Variants in CNOT6 observed in about 807,000 individuals in gnomAD.
CNOT6 encodes the protein carbon catabolite repression 4 protein.
In CNOT6, 12 loss-of-function variants were observed where a neutral mutation model predicts 61.2. The observed-to-expected ratio is 0.20, with a 90% CI of 0.13 to 0.32. The LOEUF is 0.32. CNOT6 is among the 10% of genes least tolerant of loss of function. The pLI, the probability that CNOT6 is intolerant of heterozygous loss-of-function variation, is 1.00. For missense variants in CNOT6, 405 were observed against 663.9 expected, an observed-to-expected ratio of 0.61 and a Z score of 4.28; for synonymous variants, 225 against 240.6, an observed-to-expected ratio of 0.94 and a Z score of 0.60.
chr5:180,567,339 A>T (rs1760515081), intron 8 of CNOT6, 97 bp downstream of exon 8: 2 of 1,043,528 alleles, frequency 1.9e-6, no homozygotes, highest in Non-Finnish European at 1.4e-6. Flanking sequence ...AGAATGAGGC[A>T]CTATATTATT....
intron 2 of CNOT6, among the ~76,000 whole-genome samples, chr5:180,541,441 ATTTTTTTTTTTT>A (rs1163850404): frequency 1.9e-5 from 2 of 106,578 alleles, no homozygotes; most frequent in Admixed American, 1.2e-4. Context: ...TGGCCAAGAA[ATTTTTTTTTTTT>A]TTTTTTTTTT....
intron 4 of CNOT6, among the ~76,000 whole-genome samples, chr5:180,562,079 T>C (rs1581562175): frequency 1.3e-5 from 2 of 152,208 alleles, no homozygotes; most frequent in South Asian, 2.1e-4. Flanking sequence ...TCTGTACCCA[T>C]TGGTATTTCC....
intron 11 of CNOT6, among the ~76,000 whole-genome samples, chr5:180,573,578 TGTGTGTGTGTGTGTGTGTGTGTGTCC>T (rs1220410845): frequency 1.4e-3 from 42 of 30,734 alleles, no homozygotes; most frequent in South Asian, 3.2e-3. Context: ...TGTGTGTGTG[TGTGTGTGTGTGTGTGTGTGTGTGTCC>T]GTCCGTCCGT....
At chr5:180,503,064 G>T (rs190061067) in intron 1 of CNOT6, among the ~76,000 whole-genome samples, 112 of 152,186 alleles carry the variant, frequency 7.4e-4, no homozygotes, top group Admixed American at 1.3e-3. Flanking sequence ...CATAGCCACT[G>T]AAGAAAAAAA....
At chr5:180,537,308 G>A (rs1758748580) in intron 2 of CNOT6, among the ~76,000 whole-genome samples, 1 of 152,112 alleles carries the variant, frequency 6.6e-6, no homozygotes, top group Non-Finnish European at 1.5e-5. Context: ...TAGTGTTTTG[G>A]ATTTTTTTGC....
chr5:180,537,121 GT>G (rs1435229597), intron 2 of CNOT6, among the ~76,000 whole-genome samples: 1 of 152,192 alleles, frequency 6.6e-6, no homozygotes, highest in African/African-American at 2.4e-5. Context: ...TCTGTGTGCA[GT>G]TCTTTGTGTA....
intron 1 of CNOT6, among the ~76,000 whole-genome samples, chr5:180,501,017 G>A (rs762147923): frequency 7.9e-5 from 12 of 152,172 alleles, no homozygotes; most frequent in Non-Finnish European, 1.6e-4. Flanking sequence ...AAGACACAGG[G>A]ATGAGAGGGA....
intron 1 of CNOT6, among the ~76,000 whole-genome samples, chr5:180,507,706 A>T (rs1394495472): frequency 6.6e-6 from 1 of 152,004 alleles, no homozygotes; most frequent in Non-Finnish European, 1.5e-5. Context: ...CTATAAAGAA[A>T]TGTGTGAGAT....
intron 2 of CNOT6, among the ~76,000 whole-genome samples, chr5:180,540,509 A>G (rs2617261): frequency 5.9e-5 from 9 of 152,054 alleles, no homozygotes; most frequent in Admixed American, 1.3e-4. Flanking sequence ...TCTATTTTTC[A>G]CTTTCACTAC....
intron 1 of CNOT6, among the ~76,000 whole-genome samples, chr5:180,519,068 A>G (rs955850167): frequency 1.3e-5 from 2 of 152,294 alleles, no homozygotes; most frequent in African/African-American, 4.8e-5. Context: ...AACTTTCCAG[A>G]GTTTATTCAG....
intron 4 of CNOT6, among the ~76,000 whole-genome samples, chr5:180,554,876 C>T (rs576382465): frequency 1.1e-4 from 16 of 152,132 alleles, no homozygotes; most frequent in Admixed American, 3.3e-4. Flanking sequence ...TTCCTCATGG[C>T]GGAGGTATGT....
chr5:180,509,515 C>T (rs1757285016), intron 1 of CNOT6, among the ~76,000 whole-genome samples: 1 of 151,914 alleles, frequency 6.6e-6, no homozygotes, highest in Non-Finnish European at 1.5e-5. Context: ...GGATTCTCGT[C>T]TCATTGCAAC....
At chr5:180,559,800 TGTATAACTTACCACAGTC>T (rs1301877938) in intron 4 of CNOT6, among the ~76,000 whole-genome samples, 1 of 152,168 alleles carries the variant, frequency 6.6e-6, no homozygotes, top group Non-Finnish European at 1.5e-5. Context: ...TCACACTAGA[TGTATAACTTACCACAGTC>T]TATTGGGGGT....
intron 1 of CNOT6, among the ~76,000 whole-genome samples, chr5:180,516,293 G>A (rs1445257170): frequency 6.7e-6 from 1 of 148,426 alleles, no homozygotes; most frequent in Admixed American, 6.8e-5. Context: ...CGATTCTCCT[G>A]CCTCAGCCTC....
At chr5:180,521,781 T>TA (rs1164810091) in intron 1 of CNOT6, among the ~76,000 whole-genome samples, 2 of 152,214 alleles carry the variant, frequency 1.3e-5, no homozygotes, top group African/African-American at 4.8e-5. Context: ...AGCTCCCACT[T>TA]ACACAGTATT....
chr5:180,511,799 T>C (rs2127703023), intron 1 of CNOT6, among the ~76,000 whole-genome samples: 1 of 152,124 alleles, frequency 6.6e-6, no homozygotes, highest in South Asian at 2.1e-4. Context: ...ATAAAAAATT[T>C]TTTTGAGCGA....
chr5:180,545,995 C>G (rs895502945), intron 2 of CNOT6, among the ~76,000 whole-genome samples: 3 of 152,076 alleles, frequency 2.0e-5, no homozygotes, highest in Admixed American at 6.6e-5. Flanking sequence ...AGATCTTTCA[C>G]TCGGTTTGAA....
rs115530857 is a variant in CNOT6, at chr5:180,539,243, G to A, written c.112+9855G>A. 6.8e-3 allele frequency among the ~76,000 whole-genome samples: 1,017 copies of A among 149,368 alleles called. 13 individuals are homozygous for A. The highest frequency in any genetic ancestry group is 0.024 in the African/African-American group (966 of 40,688). ...ACTCAGGAGTTTGAAAGCACCCTGA[G>A]CAAGATGGCAAGGCCCCAGAGTGAG... is the stretch of plus-strand genomic sequence containing the variant. On this transcript the variant is annotated intron_variant, in intron 2 of 11. Coordinates refer to ENST00000261951, the MANE Select transcript of CNOT6 (RefSeq NM_001370472.1).
chr5:180,520,458 A>G (rs920127339), intron 1 of CNOT6, among the ~76,000 whole-genome samples: 13 of 152,022 alleles, frequency 8.6e-5, no homozygotes, highest in African/African-American at 3.1e-4. Context: ...CCTGGCCAAC[A>G]TGTTGAAACC....
Sources: allele counts gnomAD v4.1 joint callset (sites outside exome capture counted in the v4.1 genomes callset), GRCh38; gene constraint gnomAD v4.1.1; transcripts MANE v1.5; gene names NCBI Gene and HGNC (gene_info 2026-07-23, HGNC 2026-07-21).